OXR1: variants seen among roughly 807,000 people sequenced by gnomAD.
OXR1 encodes the protein oxidation resistance protein 1.
A neutral mutation model predicts 104.6 loss-of-function variants in OXR1; 41 were observed. That is an observed-to-expected ratio of 0.39 (90% CI 0.31 to 0.51). The LOEUF (loss-of-function observed/expected upper bound fraction) is 0.51. Among genes scored for constraint, OXR1 ranks in the 20% least tolerant of loss-of-function variants. The pLI, the probability that OXR1 is intolerant of heterozygous loss-of-function variation, is 0.77. For missense variants in OXR1, 955 were observed against 1,031.9 expected, an observed-to-expected ratio of 0.93 and a Z score of 1.02; for synonymous variants, 348 against 348.4, an observed-to-expected ratio of 1.00 and a Z score of 0.01.
intron 15 of OXR1, among the ~76,000 whole-genome samples, chr8:106,745,274 TCTCA>T (rs1835287689): frequency 6.6e-6 from 1 of 152,230 alleles, no homozygotes; most frequent in African/African-American, 2.4e-5. Flanking sequence ...GATTTTAAGT[TCTCA>T]CTGTTTAAAG....
intron 3 of OXR1, among the ~76,000 whole-genome samples, chr8:106,644,065 A>G (rs1420196824): frequency 6.6e-6 from 1 of 151,504 alleles, no homozygotes; most frequent in African/African-American, 2.5e-5. Context: ...GATTATAAAG[A>G]TATTTATTGA....
chr8:106,556,237 A>T (rs1816272927), intron 3 of OXR1, among the ~76,000 whole-genome samples: 1 of 152,206 alleles, frequency 6.6e-6, no homozygotes, highest in Non-Finnish European at 1.5e-5. Context: ...GTGGTTGCAC[A>T]ATGTTACAAA....
intron 1 of OXR1, among the ~76,000 whole-genome samples, chr8:106,291,765 G>GT (rs1812764162): frequency 1.3e-5 from 2 of 152,082 alleles, no homozygotes; most frequent in Admixed American, 1.3e-4. Flanking sequence ...GCTGGGGAGG[G>GT]CTCACAATCA....
chr8:106,494,152 GCT>G (rs1811273464), intron 2 of OXR1, among the ~76,000 whole-genome samples: 6 of 152,248 alleles, frequency 3.9e-5, no homozygotes, highest in African/African-American at 1.2e-4. Context: ...GCAGTTCATA[GCT>G]CATAAACCAC....
At chr8:106,459,885 A>T (rs983244250) in intron 2 of OXR1, among the ~76,000 whole-genome samples, 3 of 152,190 alleles carry the variant, frequency 2.0e-5, no homozygotes, top group Non-Finnish European at 2.9e-5. Context: ...CTCATTTTTC[A>T]TCAGGTGCCA....
chr8:106,523,040 G>A (rs1312568541), intron 3 of OXR1, among the ~76,000 whole-genome samples: 1 of 152,150 alleles, frequency 6.6e-6, no homozygotes, highest in Non-Finnish European at 1.5e-5. Context: ...ATTGTTGGCA[G>A]AATTCAGTCC....
At chr8:106,302,355 G>A (rs1813272726) in intron 1 of OXR1, among the ~76,000 whole-genome samples, 1 of 152,104 alleles carries the variant, frequency 6.6e-6, no homozygotes, top group South Asian at 2.1e-4. Context: ...GGCCGAGGCG[G>A]GTGGATCACG....
intron 3 of OXR1, among the ~76,000 whole-genome samples, chr8:106,634,586 CA>C (rs1343691751): frequency 6.6e-6 from 1 of 152,050 alleles, no homozygotes; most frequent in African/African-American, 2.4e-5. Context: ...TTTAATGCTA[CA>C]GTTATTACAA....
chr8:106,387,667 G>A (rs773819218), intron 2 of OXR1, among the ~76,000 whole-genome samples: 2 of 152,108 alleles, frequency 1.3e-5, no homozygotes, highest in Admixed American at 6.5e-5. Context: ...AATACAAAAA[G>A]TATTTTAAGT....
Position 106,421,955 on chromosome 8 carries a change from T to C in OXR1, c.23+62319T>C, listed in dbSNP as rs565526844. On this transcript the variant is annotated intron_variant, in intron 2 of 16. Transcript: ENST00000517566. ...CTGATTATTTGGCTGTTTGGGGTAA[T>C]TCTCTAGCCATAGAGGCTAGAGAAG... Among the ~76,000 whole-genome samples the C allele has an allele frequency of 7.2e-5, 11 of 152,290 alleles. No individual in the cohort carries two copies. The South Asian group carries it at 2.1e-3, about 29-fold the overall frequency.
intron 2 of OXR1, among the ~76,000 whole-genome samples, chr8:106,435,452 C>T (rs1346158964): frequency 1.3e-5 from 2 of 152,040 alleles, no homozygotes; most frequent in African/African-American, 2.4e-5. Context: ...TGAGGATCTG[C>T]GATGCTATGA....
chr8:106,717,360 G>A (rs1256503335), intron 11 of OXR1, among the ~76,000 whole-genome samples: 2 of 151,810 alleles, frequency 1.3e-5, no homozygotes, highest in Non-Finnish European at 2.9e-5. Context: ...TTATTTTTTT[G>A]TTCTACAAAG....
intron 3 of OXR1, among the ~76,000 whole-genome samples, chr8:106,660,018 G>A (rs929521389): frequency 1.1e-4 from 16 of 152,172 alleles, no homozygotes; most frequent in Non-Finnish European, 1.6e-4. Flanking sequence ...CAGTCATGTG[G>A]GCAGGTACGT....
chr8:106,493,628 C>A (rs1811239723), intron 2 of OXR1, among the ~76,000 whole-genome samples: 1 of 152,222 alleles, frequency 6.6e-6, no homozygotes, highest in South Asian at 2.1e-4. Flanking sequence ...TTGGGACTCT[C>A]TACACATGAA....
At chr8:106,589,275 C>T (rs1284584644) in intron 3 of OXR1, among the ~76,000 whole-genome samples, 1 of 151,240 alleles carries the variant, frequency 6.6e-6, no homozygotes, top group East Asian at 1.9e-4. Context: ...GCAGGGCACA[C>T]CTTAGGTTGT....
rs114013472 is a variant in OXR1, at chr8:106,656,627, G to T, written c.221-22583G>T. ...AGCCACAACCCTGAAAACATGGATT[G>T]CTGGGTATGCAGATTCTCCTGGGTC... On this transcript the variant is annotated intron_variant, in intron 3 of 16. Coordinates refer to ENST00000517566, the MANE Select transcript of OXR1 (RefSeq NM_001198533.2). Among the ~76,000 whole-genome samples, 339 of 152,274 alleles carry T rather than the reference G, an allele frequency of 2.2e-3. 1 individual carries two copies. The highest frequency in any genetic ancestry group is 7.8e-3 in the African/African-American group (323 of 41,546).
intron 3 of OXR1, among the ~76,000 whole-genome samples, chr8:106,564,458 C>T (rs1192540256): frequency 1.3e-5 from 2 of 151,848 alleles, no homozygotes; most frequent in East Asian, 3.9e-4. Context: ...CTGAATAGAC[C>T]AATAACAAGT....
intron 3 of OXR1, among the ~76,000 whole-genome samples, chr8:106,524,213 T>C (rs1813481112): frequency 6.6e-6 from 1 of 152,142 alleles, no homozygotes; most frequent in Non-Finnish European, 1.5e-5. Context: ...AATAGTAGAC[T>C]CAGATATTTG....
At chr8:106,702,659 A>C (rs1830688188) in intron 7 of OXR1, among the ~76,000 whole-genome samples, 1 of 152,106 alleles carries the variant, frequency 6.6e-6, no homozygotes, top group South Asian at 2.1e-4. Context: ...TATTTTACTC[A>C]GTTTGCACAT....
Sources: gnomAD v4.1 joint callset for allele counts (sites outside exome capture counted in the v4.1 genomes callset) on GRCh38, gnomAD v4.1.1 for gene constraint, MANE v1.5 for transcripts, NCBI Gene and HGNC (gene_info 2026-07-23, HGNC 2026-07-21) for gene names.